Variants in CLNK observed in about 807,000 individuals in gnomAD.
CLNK encodes the protein cytokine-dependent hematopoietic cell linker.
CLNK carries 74 observed loss-of-function variants against 68.6 expected under a neutral mutation model. The ratio of observed to expected loss-of-function variants is 1.08; its 90% CI spans 0.89 to 1.31. CLNK has a LOEUF of 1.31. CLNK is among the 50% of genes most tolerant of loss of function. The pLI is 0.00. For missense variants in CLNK, 553 were observed against 515.3 expected (o/e 1.07, Z -0.71); for synonymous variants, 198 against 172.2 (o/e 1.15, Z -1.17).
the CLNK span, among the ~76,000 whole-genome samples, chr4:10,700,002 A>ATGTG: frequency 5.0e-5 from 2 of 39,786 alleles, no homozygotes; most frequent in Admixed American, 7.2e-4. Flanking sequence ...CTGTGTGTGC[A>ATGTG]TATGTGTGTG....
At chr4:10,535,260 A>AAAGAAAGAAAGAAAGAAAGAAAGAAAGG (rs1718712680) in intron 11 of CLNK, among the ~76,000 whole-genome samples, 1 of 142,302 alleles carries the variant, frequency 7.0e-6, no homozygotes, top group Non-Finnish European at 1.5e-5. Context: ...AGAAAGAAAG[A>AAAGAAAGAAAGAAAGAAAGAAAGAAAGG]AAGAAAAAAT....
At chr4:10,583,223 G>A (rs1408132078) in intron 4 of CLNK, among the ~76,000 whole-genome samples, 3 of 152,062 alleles carry the variant, frequency 2.0e-5, no homozygotes, top group African/African-American at 7.2e-5. Flanking sequence ...AGTATGCCTA[G>A]GCTGATTCAT....
At chr4:10,586,690 A>G (rs1453106025) in intron 3 of CLNK, among the ~76,000 whole-genome samples, 1 of 152,156 alleles carries the variant, frequency 6.6e-6, no homozygotes, top group African/African-American at 2.4e-5. Flanking sequence ...CCTTTGTTGC[A>G]TATTACTCAG....
chr4:10,625,675 AAC>A (rs1722639985), intron 2 of CLNK, among the ~76,000 whole-genome samples: 1 of 151,996 alleles, frequency 6.6e-6, no homozygotes, highest in African/African-American at 2.4e-5. Context: ...GAGAGAGAGC[AAC>A]AGAGTGACAG....
intron 2 of CLNK, among the ~76,000 whole-genome samples, chr4:10,600,513 A>G (rs967373332): frequency 1.4e-4 from 21 of 152,188 alleles, no homozygotes; most frequent in African/African-American, 5.1e-4. Flanking sequence ...ATATTGTTAA[A>G]TGCCCTGTAC....
chr4:10,695,208 G>A, the CLNK span, among the ~76,000 whole-genome samples: 702 of 152,226 alleles, frequency 4.6e-3, 2 homozygotes, highest in African/African-American at 0.016. Flanking sequence ...GAAAGGATAA[G>A]TATGTGAGTT....
chr4:10,694,734 T>C, the CLNK span, among the ~76,000 whole-genome samples: 1 of 152,202 alleles, frequency 6.6e-6, no homozygotes, highest in African/African-American at 2.4e-5. Context: ...TATTATGTTA[T>C]GGTGGTATAT....
rs553765629 is a variant in CLNK, at chr4:10,662,758, T to C, written c.11+5101A>G. On this transcript the variant is annotated intron_variant, in intron 2 of 18. Transcript: ENST00000226951. The stretch of plus-strand genomic sequence containing the variant: ...TACACATAGATATAGAAAAATAAAC[T>C]AAGACAACTGTAGCAAGTTAGTGCT... Among the ~76,000 whole-genome samples, 8 of 152,248 alleles carry C rather than the reference T, an allele frequency of 5.3e-5. 1 individual carries two copies. The South Asian group carries it at 1.7e-3, about 32-fold the overall frequency.
chr4:10,642,799 A>G (rs144743955), intron 2 of CLNK, among the ~76,000 whole-genome samples: 9 of 152,296 alleles, frequency 5.9e-5, no homozygotes, highest in African/African-American at 2.2e-4. Context: ...CTAAAATGGT[A>G]ATAATTATGT....
chr4:10,729,029 C>T, the CLNK span, among the ~76,000 whole-genome samples: 4 of 152,130 alleles, frequency 2.6e-5, no homozygotes, highest in Non-Finnish European at 5.9e-5. Context: ...TGAACTTCAA[C>T]CCAGATGCAT....
At chr4:10,688,650 T>A (rs1407516786), upstream of CLNK, among the ~76,000 whole-genome samples, 1 of 152,178 alleles carries the variant, frequency 6.6e-6, no homozygotes, top group African/African-American at 2.4e-5. Flanking sequence ...ATACTACTAC[T>A]AACCTCTTGG....
At chr4:10,532,786 G>C (rs866465866) in intron 11 of CLNK, among the ~76,000 whole-genome samples, 13 of 152,140 alleles carry the variant, frequency 8.5e-5, no homozygotes, top group South Asian at 2.1e-4. Context: ...GAATGGTAGA[G>C]AAAAAATCCA....
chr4:10,693,289 T>A, the CLNK span, among the ~76,000 whole-genome samples: 1 of 152,170 alleles, frequency 6.6e-6, no homozygotes, highest in East Asian at 1.9e-4. Context: ...GAATGTGACC[T>A]TATTTGGAAA....
the CLNK span, among the ~76,000 whole-genome samples, chr4:10,690,925 A>G: frequency 4.6e-5 from 7 of 152,126 alleles, no homozygotes; most frequent in Non-Finnish European, 1.0e-4. Flanking sequence ...TAATAAATAA[A>G]TGTGTAAGAG....
intron 12 of CLNK, 54 bp downstream of exon 12, chr4:10,532,202 A>G: frequency 1.4e-6 from 2 of 1,401,680 alleles, no homozygotes; most frequent in Non-Finnish European, 2.0e-6. Context: ...TATTGCAGAC[A>G]TTTAATGCCT....
upstream of CLNK, among the ~76,000 whole-genome samples, chr4:10,688,894 CAAGA>C (rs1435517359): frequency 1.3e-5 from 2 of 151,828 alleles, no homozygotes; most frequent in African/African-American, 4.8e-5. Flanking sequence ...TATAGACTCA[CAAGA>C]AAGAAAAAAA....
chr4:10,651,749 G>T (rs1384278949), intron 2 of CLNK, among the ~76,000 whole-genome samples: 6 of 152,064 alleles, frequency 3.9e-5, no homozygotes, highest in African/African-American at 1.4e-4. Context: ...GACAGCAGTA[G>T]CATATAAATT....
chr4:10,520,610 A>G (rs561507374), intron 15 of CLNK, among the ~76,000 whole-genome samples, 181 bp downstream of exon 15: 1 of 152,350 alleles, frequency 6.6e-6, no homozygotes, highest in East Asian at 1.9e-4. Context: ...GAAACCACCT[A>G]AGTGATCATA....
chr4:10,522,926 A>G (rs1228269211), intron 14 of CLNK, among the ~76,000 whole-genome samples: 1 of 152,238 alleles, frequency 6.6e-6, no homozygotes, highest in Non-Finnish European at 1.5e-5. Flanking sequence ...CCAGGCAGGT[A>G]GAGCAGCATG....
Sources: gnomAD v4.1 joint callset for allele counts (sites outside exome capture counted in the v4.1 genomes callset) on GRCh38, gnomAD v4.1.1 for gene constraint, MANE v1.5 for transcripts, NCBI Gene and HGNC (gene_info 2026-07-23, HGNC 2026-07-21) for gene names.